Variants in PTPRD observed in about 807,000 individuals in gnomAD.
PTPRD encodes the protein receptor-type tyrosine-protein phosphatase delta.
Under a neutral mutation model 214.5 loss-of-function variants are expected in PTPRD, and 34 were observed. That is an observed-to-expected ratio of 0.16 (90% confidence interval 0.12 to 0.21). The LOEUF (loss-of-function observed/expected upper bound fraction) is 0.21, where lower values mean the gene tolerates loss of function less well. PTPRD is among the 10% of genes least tolerant of loss of function. PTPRD has a pLI of 1.00. For missense variants in PTPRD, 2,545 were observed against 2,398.7 expected (o/e 1.06, Z -1.27); for synonymous variants, 1,128 against 845.7 (o/e 1.33, Z -5.79).
intron 11 of PTPRD, among the ~76,000 whole-genome samples, chr9:8,984,255 T>C (rs1355061348): frequency 6.6e-6 from 1 of 152,090 alleles, no homozygotes; most frequent in Non-Finnish European, 1.5e-5. Context: ...AAACATTTTA[T>C]AAATTTTTAG....
At chr9:9,339,094 G>A (rs1187175220) in intron 9 of PTPRD, among the ~76,000 whole-genome samples, 1 of 151,956 alleles carries the variant, frequency 6.6e-6, no homozygotes, top group Non-Finnish European at 1.5e-5. Flanking sequence ...CCATTGGGAG[G>A]GCTTCTCCAT....
chr9:8,397,756 C>G (rs558465107), intron 36 of PTPRD, among the ~76,000 whole-genome samples: 5 of 152,196 alleles, frequency 3.3e-5, no homozygotes, highest in East Asian at 1.9e-4. Flanking sequence ...TTATTTTTAA[C>G]TGGATTTATC....
chr9:9,087,320 G>C (rs1479761398), intron 10 of PTPRD, among the ~76,000 whole-genome samples: 2 of 152,234 alleles, frequency 1.3e-5, no homozygotes, highest in East Asian at 3.9e-4. Flanking sequence ...ATGTAATAGA[G>C]AAGATAAATC....
At chr9:10,208,373 G>T (rs1469470718) in intron 3 of PTPRD, among the ~76,000 whole-genome samples, 2 of 152,094 alleles carry the variant, frequency 1.3e-5, no homozygotes, top group African/African-American at 2.4e-5. Flanking sequence ...AATTAGCCGG[G>T]CGTGGTGGCG....
chr9:8,486,275 C>A lies in PTPRD; in HGVS notation c.2542G>T (p.Asp848Tyr), dbSNP rs775966181. ...TAGCCCTGAAGAGGTCCAAATGTGT[C>A]CACCGGAGGGTGCCACTGAATAAGA... ...TALIQWHPPVDTFGPLQGYRL... is the reference protein window; with the variant it reads ...TALIQWHPPVYTFGPLQGYRL... Residue 848 changes from aspartate (D) to tyrosine (Y), a missense_variant, in exon 28 of 46, where the codon GAC (aspartate) becomes TAC (tyrosine). Coordinates refer to ENST00000381196, the MANE Select transcript of PTPRD (RefSeq NM_002839.4). The A allele has an allele frequency of 6.2e-7, 1 of 1,614,170 alleles. No homozygotes were observed. Among genetic ancestry groups the A allele is most frequent in the Non-Finnish European group, 8.5e-7 (1 of 1,180,014 alleles).
intron 8 of PTPRD, chr9:9,414,856 G>A (rs572072791): frequency 1.8e-4 from 27 of 152,276 alleles, no homozygotes; most frequent in African/African-American, 5.8e-4. Flanking sequence ...GGAGAGACAT[G>A]AAAGAAATAG....
At chr9:8,396,852 C>T (rs1041496017) in intron 36 of PTPRD, among the ~76,000 whole-genome samples, 2 of 152,078 alleles carry the variant, frequency 1.3e-5, no homozygotes, top group African/African-American at 2.4e-5. Flanking sequence ...AGGCTAAGTG[C>T]TATCTACCTT....
chr9:9,549,572 A>G (rs2079680915), intron 8 of PTPRD, among the ~76,000 whole-genome samples: 1 of 152,124 alleles, frequency 6.6e-6, no homozygotes, highest in African/African-American at 2.4e-5. Flanking sequence ...ATGGTCCAGC[A>G]ATTCCATGCC....
intron 12 of PTPRD, among the ~76,000 whole-genome samples, chr9:8,731,944 TTC>T (rs779137015): frequency 1.7e-4 from 26 of 152,152 alleles, no homozygotes; most frequent in Admixed American, 2.0e-4. Context: ...AGGGAGTAGA[TTC>T]TTTTTCAAGG....
chr9:8,637,915 G>A (rs895328319), intron 12 of PTPRD, among the ~76,000 whole-genome samples: 24 of 152,098 alleles, frequency 1.6e-4, no homozygotes, highest in African/African-American at 5.8e-4. Flanking sequence ...TGTGGGGATA[G>A]CAGATAATGA....
chr9:8,870,729 C>CACACAT (rs1555457923), intron 11 of PTPRD, among the ~76,000 whole-genome samples: 5 of 151,288 alleles, frequency 3.3e-5, no homozygotes, highest in Admixed American at 1.3e-4. Context: ...CACACACACA[C>CACACAT]GGGAGTTCAG....
chr9:9,928,755 T>TACACACACACACACACACACAC (rs545488105), intron 5 of PTPRD, among the ~76,000 whole-genome samples: 46 of 109,672 alleles, frequency 4.2e-4, no homozygotes, highest in African/African-American at 1.6e-3. Context: ...TCTCTCTCTC[T>TACACACACACACACACACACAC]ATACACACAC....
At chr9:9,456,879 G>C (rs905154622) in intron 8 of PTPRD, among the ~76,000 whole-genome samples, 2 of 151,830 alleles carry the variant, frequency 1.3e-5, no homozygotes, top group Non-Finnish European at 2.9e-5. Flanking sequence ...ACTAAAATGT[G>C]ATATTTTCAA....
In PTPRD at chr9:10,069,415, C is replaced by A. The variant is rs540234417; in HGVS notation, c.-544-35625G>T. Among the ~76,000 whole-genome samples the A allele has an allele frequency of 2.0e-5, 3 of 152,156 alleles. No individual in the cohort carries two copies. In the East Asian group the frequency reaches 5.8e-4, roughly 30 times the overall value. ...GCTGGTTTGTAGTGCTATACTATGC[C>A]AGGCTCCCTATTGGAGCTGGATTTT... On this transcript the variant is annotated intron_variant, in intron 3 of 45. Transcript: ENST00000381196.
At chr9:10,357,331 T>C (rs2097297777) in intron 2 of PTPRD, among the ~76,000 whole-genome samples, 1 of 152,216 alleles carries the variant, frequency 6.6e-6, no homozygotes, top group African/African-American at 2.4e-5. Context: ...TAGAAAAAAC[T>C]ATTTTCACTT....
At chr9:9,255,240 G>T (rs1668150323) in intron 9 of PTPRD, among the ~76,000 whole-genome samples, 1 of 151,964 alleles carries the variant, frequency 6.6e-6, no homozygotes, top group Admixed American at 6.6e-5. Context: ...TTGCAATGAT[G>T]ATTTTATTTA....
At chr9:9,429,626 G>C (rs2082296619) in intron 8 of PTPRD, among the ~76,000 whole-genome samples, 1 of 152,152 alleles carries the variant, frequency 6.6e-6, no homozygotes, top group Non-Finnish European at 1.5e-5. Flanking sequence ...CAATATCCCT[G>C]ATGAACATTG....
chr9:9,385,256 A>G (rs1586725126), intron 9 of PTPRD, among the ~76,000 whole-genome samples: 1 of 152,324 alleles, frequency 6.6e-6, no homozygotes, highest in African/African-American at 2.4e-5. Context: ...CTATGAAGAC[A>G]GCCAGAAATT....
chr9:8,464,822 C>G (rs1443280260), intron 32 of PTPRD, among the ~76,000 whole-genome samples: 1 of 143,772 alleles, frequency 7.0e-6, no homozygotes, highest in Non-Finnish European at 1.5e-5. Context: ...TAGGAATTCT[C>G]TCTTTTATTA....
Sources: allele counts gnomAD v4.1 joint callset (sites outside exome capture counted in the v4.1 genomes callset), GRCh38; gene constraint gnomAD v4.1.1; transcripts MANE v1.5; gene names NCBI Gene and HGNC (gene_info 2026-07-23, HGNC 2026-07-21).